The following S100A1 variants were observed in gnomAD, a reference collection of about 807,000 sequenced individuals.
S100A1 encodes the protein protein S100-A1.
A neutral mutation model predicts 7.6 loss-of-function variants in S100A1; 3 were observed. The ratio of observed to expected loss-of-function variants is 0.40; its 90% CI spans 0.18 to 1.02. S100A1 has a LOEUF of 1.02. S100A1 is among the 50% of genes least tolerant of loss of function. S100A1 has a pLI of 0.35. For missense variants in S100A1, 126 were observed against 115.0 expected (o/e 1.10, Z -0.44); for synonymous variants, 49 against 49.0 (o/e 1.00, Z 0.00).
rs760710326 is a variant in S100A1 at position 153,631,879 on chromosome 1, C to T, written c.*38C>T. 7.1e-5 allele frequency: 113 copies of T among 1,601,016 alleles called. No homozygotes were observed. Among genetic ancestry groups the T allele is most frequent in the Non-Finnish European group, 8.6e-5 (101 of 1,173,898 alleles). ...ATTGGGCAGCGCCCTTCCTCTCCAC[C>T]CTCCCAGACCTGCCTCTTCCCCCTG... On this transcript the variant is annotated 3_prime_UTR_variant, in exon 3 of 3. Coordinates refer to ENST00000292169, the MANE Select transcript of S100A1 (RefSeq NM_006271.2).
At chr1:153,631,214 A>G (rs1308188503) in intron 2 of S100A1, 3 of 495,876 alleles carry the variant, frequency 6.0e-6, no homozygotes, top group East Asian at 3.4e-5. Context: ...AAGGCTAACC[A>G]GGGCCCCAAA....
At position 153,631,840 on chromosome 1, in the gene S100A1, G is replaced by A; in HGVS notation, c.284G>A (p.Ter95=). 1 of 1,613,644 alleles carries A rather than the reference G, an allele frequency of 6.2e-7. No individual in the cohort carries two copies. The highest frequency in any genetic ancestry group is 8.5e-7 in the Non-Finnish European group (1 of 1,179,972). ...ACNNFFWENS[*] ...AACAATTTCTTCTGGGAGAACAGTT[G>A]AGCAGACAGCCACATTGGGCAGCGC... The change falls in exon 3 of 3, where the codon TGA becomes TAA. Residue 95 remains the stop codon, a stop_retained_variant. Transcript: ENST00000292169.
Position 153,630,610 on chromosome 1 carries a change from G to A in S100A1, c.89G>A (p.Ser30Asn). 6.2e-7 allele frequency: 1 copy of A among 1,614,272 alleles called. No homozygotes were observed. The highest frequency in any genetic ancestry group is 1.1e-5 in the South Asian group (1 of 91,088). Residue 30 changes from serine (S) to asparagine (N), a missense_variant, in exon 2 of 3, where the codon AGC becomes AAC. Coordinates refer to ENST00000292169, the MANE Select transcript of S100A1 (RefSeq NM_006271.2). ...AAAGAGGGGGACAAGTACAAGCTGA[G>A]CAAGAAGGAGCTGAAAGAGCTGCTG... is the stretch of plus-strand genomic sequence containing the variant. ...SGKEGDKYKLSKKELKELLQT... is the reference protein window; with the variant it reads ...SGKEGDKYKLNKKELKELLQT...
In S100A1 at chr1:153,631,992, C is replaced by A; in HGVS notation, c.*151C>A. 1.3e-6 allele frequency: 1 copy of A among 763,210 alleles called. No individual in the cohort carries two copies. Among genetic ancestry groups the A allele is most frequent in the South Asian group, 1.9e-5 (1 of 52,962 alleles). 47.3% of individuals were successfully genotyped at this position (763,210 alleles called of 1,614,324 possible). A position where few individuals can be genotyped will look rare whatever the true frequency, so the allele number is the denominator to read the frequency against. On this transcript the variant is annotated 3_prime_UTR_variant, in exon 3 of 3. Transcript: ENST00000292169. Reference sequence around the variant, plus strand: ...CCACCAAGGGCGCAAGAGTAGCGGTCCAAGCCTGCAACTCATCTTTCATTA... The same window carrying A: ...CCACCAAGGGCGCAAGAGTAGCGGTACAAGCCTGCAACTCATCTTTCATTA...
chr1:153,631,125 A>T (rs1437445135), intron 2 of S100A1: 1 of 310,492 alleles, frequency 3.2e-6, no homozygotes, highest in East Asian at 6.4e-5. Flanking sequence ...AATGAACAAA[A>T]GCATGGGAGA....
rs756352252 is a variant in S100A1 at position 153,631,827 on chromosome 1, T to C, written c.271T>C (p.Trp91Arg). 3 of 1,613,932 alleles carry C rather than the reference T, an allele frequency of 1.9e-6. No homozygotes were observed. Among genetic ancestry groups the C allele is most frequent in the Non-Finnish European group, 2.5e-6 (3 of 1,180,036 alleles). Residue 91 changes from tryptophan (W) to arginine (R), a missense_variant, in exon 3 of 3, where the codon TGG becomes CGG. By Grantham distance (101) the Trp-to-Arg change is moderately radical. Transcript: ENST00000292169. ...CACAGTGGCCTGTAACAATTTCTTCTGGGAGAACAGTTGAGCAGACAGCCA... is the reference window on the plus strand; with the variant it reads ...CACAGTGGCCTGTAACAATTTCTTCCGGGAGAACAGTTGAGCAGACAGCCA... ...ALTVACNNFFWENS is the reference protein window; with the variant it reads ...ALTVACNNFFRENS
Position 153,631,898 on chromosome 1 carries a change from C to T in S100A1, c.*57C>T, listed in dbSNP as rs1557932441. 6.3e-7 allele frequency: 1 copy of T among 1,582,732 alleles called. No homozygotes were observed. The highest frequency in any genetic ancestry group is 8.6e-7 in the Non-Finnish European group (1 of 1,164,850). The stretch of plus-strand genomic sequence containing the variant: ...CTCCACCCTCCCAGACCTGCCTCTT[C>T]CCCCTGCTTCCACCTCACCCCACTT... On this transcript the variant is annotated 3_prime_UTR_variant, in exon 3 of 3. Coordinates refer to ENST00000292169, the MANE Select transcript of S100A1 (RefSeq NM_006271.2).
chr1:153,631,958 C>T lies in S100A1; in HGVS notation c.*117C>T. 2 of 1,158,928 alleles carry T rather than the reference C, an allele frequency of 1.7e-6. No individual in the cohort carries two copies. Among genetic ancestry groups the T allele is most frequent in the Non-Finnish European group, 2.4e-6 (2 of 841,882 alleles). 71.8% of individuals were successfully genotyped at this position (1,158,928 alleles called of 1,614,324 possible). On this transcript the variant is annotated 3_prime_UTR_variant, in exon 3 of 3. Coordinates refer to ENST00000292169, the MANE Select transcript of S100A1 (RefSeq NM_006271.2). ...CATAACCCCACCCTTGCCCACCCCA[C>T]CCCCACCCCCACCAAGGGCGCAAGA... is the stretch of plus-strand genomic sequence containing the variant.
chr1:153,631,744 A>G lies in S100A1; in HGVS notation c.188A>G (p.Asp63Gly). The G allele has an allele frequency of 6.2e-7, 1 of 1,614,222 alleles. No homozygotes were observed. The change falls in exon 3 of 3, where the codon GAC (aspartate) becomes GGC (glycine). Residue 63 changes from aspartate to glycine, a missense_variant. Coordinates refer to ENST00000292169, the MANE Select transcript of S100A1 (RefSeq NM_006271.2). ...GTGGACAAGGTGATGAAGGAGCTAG[A>G]CGAGAATGGAGACGGGGAGGTGGAC... ...DAVDKVMKEL[D>G]ENGDGEVDFQ...
chr1:153,630,438 G>T, intron 1 of S100A1, 71 bp from the exon 2 acceptor site: 1 of 1,566,142 alleles, frequency 6.4e-7, no homozygotes, highest in Non-Finnish European at 8.7e-7. Flanking sequence ...CAGTCCTGAG[G>T]GTTCCCCTCA....
rs1416063447 is a variant in S100A1 at position 153,631,939 on chromosome 1, C to T, written c.*98C>T. 4.6e-5 allele frequency: 62 copies of T among 1,350,582 alleles called. No individual in the cohort carries two copies. Among genetic ancestry groups the T allele is most frequent in the Non-Finnish European group, 5.7e-5 (57 of 1,002,534 alleles). The allele number at this position is 1,350,582 out of a possible 1,614,324, so 83.7% of individuals were successfully genotyped here. A position where few individuals can be genotyped will look rare whatever the true frequency, so the allele number is the denominator to read the frequency against. ...CACCCCACTTATCCCTCTCCATAAC[C>T]CCACCCTTGCCCACCCCACCCCCAC... On this transcript the variant is annotated 3_prime_UTR_variant, in exon 3 of 3. Coordinates refer to ENST00000292169, the MANE Select transcript of S100A1 (RefSeq NM_006271.2).
chr1:153,629,605 A>T (rs1261464766), intron 1 of S100A1: 1 of 152,306 alleles, frequency 6.6e-6, no homozygotes, highest in Non-Finnish European at 1.5e-5. Flanking sequence ...AGCCCCTTGA[A>T]CTCAAAGGAC....
At chr1:153,629,412 C>T (rs1359070782) in intron 1 of S100A1, 2 of 152,246 alleles carry the variant, frequency 1.3e-5, no homozygotes, top group Non-Finnish European at 2.9e-5. Context: ...CGATCAGGGG[C>T]CATTGTCCAG....
rs1668043617 is a variant in S100A1 at position 153,631,993 on chromosome 1, C to A, written c.*152C>A. 1.3e-6 allele frequency: 1 copy of A among 762,848 alleles called. No homozygotes were observed. The highest frequency in any genetic ancestry group is 2.0e-6 in the Non-Finnish European group (1 of 492,028). 47.3% of individuals were successfully genotyped at this position (762,848 alleles called of 1,614,324 possible). Reference sequence around the variant, plus strand: ...CACCAAGGGCGCAAGAGTAGCGGTCCAAGCCTGCAACTCATCTTTCATTAA... The same window carrying A: ...CACCAAGGGCGCAAGAGTAGCGGTCAAAGCCTGCAACTCATCTTTCATTAA... On this transcript the variant is annotated 3_prime_UTR_variant, in exon 3 of 3. Transcript: ENST00000292169.
In S100A1 at chr1:153,632,007, A is replaced by G; in HGVS notation, c.*166A>G. 3.0e-6 allele frequency: 2 copies of G among 670,456 alleles called. No individual in the cohort carries two copies. Among genetic ancestry groups the G allele is most frequent in the Non-Finnish European group, 4.7e-6 (2 of 422,460 alleles). 41.5% of individuals were successfully genotyped at this position (670,456 alleles called of 1,614,324 possible). On this transcript the variant is annotated 3_prime_UTR_variant, in exon 3 of 3. Transcript: ENST00000292169. ...GAGTAGCGGTCCAAGCCTGCAACTCATCTTTCATTAAAGGCTTCTCTCTCA... is the reference window on the plus strand; with the variant it reads ...GAGTAGCGGTCCAAGCCTGCAACTCGTCTTTCATTAAAGGCTTCTCTCTCA...
At chr1:153,631,536 A>G in intron 2 of S100A1, 162 bp from the exon 3 acceptor site, 1 of 1,613,842 alleles carries the variant, frequency 6.2e-7, no homozygotes, top group Non-Finnish European at 8.5e-7. Flanking sequence ...GCTGTAGGCA[A>G]CAGAAGCCCT....
chr1:153,630,309 C>T, intron 1 of S100A1, 200 bp from the exon 2 acceptor site: 1 of 617,952 alleles, frequency 1.6e-6, no homozygotes. Context: ...GACTGAGGGA[C>T]ACAGAGAACA....
intron 1 of S100A1, chr1:153,629,359 G>C (rs1667871936): frequency 6.6e-6 from 1 of 152,230 alleles, no homozygotes; most frequent in Non-Finnish European, 1.5e-5. Context: ...CCGGAGTTCA[G>C]ATGACACTCA....
Position 153,631,869 on chromosome 1 carries a change from T to C in S100A1, c.*28T>C. On this transcript the variant is annotated 3_prime_UTR_variant, in exon 3 of 3. Transcript: ENST00000292169. Reference sequence around the variant, plus strand: ...AGACAGCCACATTGGGCAGCGCCCTTCCTCTCCACCCTCCCAGACCTGCCT... The same window carrying C: ...AGACAGCCACATTGGGCAGCGCCCTCCCTCTCCACCCTCCCAGACCTGCCT... The C allele has an allele frequency of 1.9e-6, 3 of 1,609,172 alleles. No individual in the cohort carries two copies. Among genetic ancestry groups the C allele is most frequent in the South Asian group, 2.2e-5 (2 of 90,590 alleles).
Sources: allele counts gnomAD v4.1 joint callset, GRCh38; gene constraint gnomAD v4.1.1; transcripts MANE v1.5; gene names NCBI Gene and HGNC (gene_info 2026-07-23, HGNC 2026-07-21).